Variants in GULP1 observed in about 807,000 individuals in gnomAD.
GULP1 encodes the protein PTB domain-containing engulfment adapter protein 1.
Under a neutral mutation model 40.9 loss-of-function variants are expected in GULP1, and 19 were observed. The observed-to-expected ratio is 0.46, with a 90% CI of 0.32 to 0.68. GULP1 has a LOEUF of 0.68. GULP1 is among the 30% of genes least tolerant of loss of function. The pLI is 0.03. For missense variants in GULP1, 312 were observed against 362.2 expected, an observed-to-expected ratio of 0.86 and a Z score of 1.12; for synonymous variants, 119 against 117.6, an observed-to-expected ratio of 1.01 and a Z score of -0.08.
At chr2:188,439,416 A>G (rs191865887) in intron 2 of GULP1, among the ~76,000 whole-genome samples, 121 of 152,330 alleles carry the variant, frequency 7.9e-4, no homozygotes, top group East Asian at 3.3e-3. Context: ...GTATATATGT[A>G]TAAGAATGTC....
chr2:188,528,353 A>T (rs762096074), intron 5 of GULP1, among the ~76,000 whole-genome samples: 6 of 152,120 alleles, frequency 3.9e-5, no homozygotes, highest in Non-Finnish European at 5.9e-5. Flanking sequence ...CCACTAAATT[A>T]AGCAATGCTA....
At chr2:188,587,817 T>G (rs766532559) in intron 10 of GULP1, 38 bp from the exon 11 acceptor site, 1 of 1,117,528 alleles carries the variant, frequency 8.9e-7, no homozygotes, top group Non-Finnish European at 1.4e-6. Flanking sequence ...AGCTCACTTC[T>G]TGTTATTTCA....
chr2:188,403,012 T>G (rs1386162916), intron 2 of GULP1, among the ~76,000 whole-genome samples: 2 of 152,170 alleles, frequency 1.3e-5, no homozygotes, highest in African/African-American at 4.8e-5. Flanking sequence ...TTTTATTCAT[T>G]ACATGCTACT....
At chr2:188,543,288 T>C (rs1276353304) in intron 7 of GULP1, among the ~76,000 whole-genome samples, 1 of 152,150 alleles carries the variant, frequency 6.6e-6, no homozygotes, top group Non-Finnish European at 1.5e-5. Flanking sequence ...AGGATGCCTT[T>C]TAAAAGCTAT....
intron 2 of GULP1, among the ~76,000 whole-genome samples, chr2:188,396,468 C>G (rs1427971675): frequency 6.6e-6 from 1 of 152,200 alleles, no homozygotes; most frequent in Non-Finnish European, 1.5e-5. Flanking sequence ...GCAGTATGTT[C>G]CACTCAGCTC....
At chr2:188,371,418 A>G (rs1189828491) in intron 1 of GULP1, among the ~76,000 whole-genome samples, 1 of 152,120 alleles carries the variant, frequency 6.6e-6, no homozygotes, top group Non-Finnish European at 1.5e-5. Flanking sequence ...TTAACATGCA[A>G]ACTAGATGTG....
At chr2:188,304,445 T>C (rs2036694485) in intron 1 of GULP1, among the ~76,000 whole-genome samples, 1 of 152,220 alleles carries the variant, frequency 6.6e-6, no homozygotes, top group African/African-American at 2.4e-5. Flanking sequence ...AAATGTTTTT[T>C]ACAATTTACA....
intron 2 of GULP1, among the ~76,000 whole-genome samples, chr2:188,454,443 T>C (rs1338349441): frequency 6.6e-6 from 1 of 152,066 alleles, no homozygotes; most frequent in Non-Finnish European, 1.5e-5. Context: ...TAGGTATATG[T>C]AAAATAGGTG....
chr2:188,535,011 A>C (rs1688550109), intron 6 of GULP1, among the ~76,000 whole-genome samples: 1 of 151,226 alleles, frequency 6.6e-6, no homozygotes, highest in Admixed American at 6.6e-5. Flanking sequence ...AATATTTAAT[A>C]ATAAATTGTT....
chr2:188,536,028 T>C (rs1688860635), intron 6 of GULP1, among the ~76,000 whole-genome samples: 1 of 152,144 alleles, frequency 6.6e-6, no homozygotes, highest in South Asian at 2.1e-4. Context: ...TTTTGCCCAC[T>C]TTTTAATATG....
chr2:188,548,795 A>G (rs71434639), intron 7 of GULP1, among the ~76,000 whole-genome samples: 2,935 of 151,892 alleles, frequency 0.019, 37 homozygotes, highest in Middle Eastern at 0.044. Flanking sequence ...ATGTTTGTCA[A>G]TGCTGCAAAA....
intron 7 of GULP1, among the ~76,000 whole-genome samples, chr2:188,552,881 G>A (rs1233187207): frequency 6.7e-6 from 1 of 149,560 alleles, no homozygotes; most frequent in East Asian, 1.9e-4. Context: ...TCCTATATAT[G>A]TATATACATA....
intron 4 of GULP1, among the ~76,000 whole-genome samples, chr2:188,502,085 C>T (rs1383802742): frequency 1.3e-5 from 2 of 151,776 alleles, no homozygotes; most frequent in African/African-American, 4.8e-5. Flanking sequence ...ATCACATAGT[C>T]ATGCTTTATT....
At chr2:188,509,145 T>C (rs373147148) in intron 4 of GULP1, among the ~76,000 whole-genome samples, 2 of 152,018 alleles carry the variant, frequency 1.3e-5, no homozygotes, top group South Asian at 2.1e-4. Context: ...ACACAGTAGG[T>C]CTTCAGTAAA....
At chr2:188,472,241 C>T (rs1054977806) in intron 2 of GULP1, among the ~76,000 whole-genome samples, 1 of 151,912 alleles carries the variant, frequency 6.6e-6, no homozygotes, top group Non-Finnish European at 1.5e-5. Flanking sequence ...TATTAATGGC[C>T]TTGAGATTGT....
intron 1 of GULP1, among the ~76,000 whole-genome samples, chr2:188,374,504 T>C (rs1456819508): frequency 6.6e-6 from 1 of 152,166 alleles, no homozygotes; most frequent in Non-Finnish European, 1.5e-5. Flanking sequence ...CACTGAATTA[T>C]ATTTTAAGGC....
chr2:188,330,145 A>T (rs1020594344), intron 1 of GULP1, among the ~76,000 whole-genome samples: 1 of 152,158 alleles, frequency 6.6e-6, no homozygotes, highest in African/African-American at 2.4e-5. Flanking sequence ...ATATTTGTAA[A>T]TATAGTTTTC....
At chr2:188,422,751 AC>A (rs1389471387) in intron 2 of GULP1, among the ~76,000 whole-genome samples, 1 of 152,074 alleles carries the variant, frequency 6.6e-6, no homozygotes, top group African/African-American at 2.4e-5. Flanking sequence ...TTTTTAAACT[AC>A]TATGAAAGTA....
chr2:188,520,527 TAAAA>T (rs754573431), intron 4 of GULP1, among the ~76,000 whole-genome samples: 6 of 92,392 alleles, frequency 6.5e-5, no homozygotes, highest in South Asian at 3.7e-4. Flanking sequence ...AGACTCCATC[TAAAA>T]AAAAAAAAAA....
Sources: gnomAD v4.1 joint callset for allele counts (sites outside exome capture counted in the v4.1 genomes callset) on GRCh38, gnomAD v4.1.1 for gene constraint, MANE v1.5 for transcripts, NCBI Gene and HGNC (gene_info 2026-07-23, HGNC 2026-07-21) for gene names.